KLHL29: variants seen among roughly 807,000 people sequenced by gnomAD.
KLHL29 encodes kelch-like protein 29.
KLHL29 carries 21 observed loss-of-function variants against 80.4 expected under a neutral mutation model. The observed-to-expected ratio is 0.26, with a 90% CI of 0.19 to 0.38. The LOEUF is 0.38. Ranked by LOEUF, KLHL29 falls within the 10% of genes least tolerant of loss-of-function variation. KLHL29 has a pLI of 1.00. For missense variants in KLHL29, 867 were observed against 1,223.9 expected (o/e 0.71, Z 4.35); for synonymous variants, 511 against 526.8 (o/e 0.97, Z 0.41).
At chr2:23,519,235 C>T (rs1666026277) in intron 2 of KLHL29, among the ~76,000 whole-genome samples, 1 of 152,216 alleles carries the variant, frequency 6.6e-6, no homozygotes, top group Admixed American at 6.5e-5. Flanking sequence ...CCGTCCACTA[C>T]CCCGTCATCC....
At chr2:23,413,141 G>A (rs141677329) in intron 1 of KLHL29, among the ~76,000 whole-genome samples, 4 of 152,260 alleles carry the variant, frequency 2.6e-5, no homozygotes, top group Admixed American at 2.0e-4. Context: ...CACTGGGCCC[G>A]GTGAACTCGC....
At chr2:23,549,229 T>C (rs925376503) in intron 2 of KLHL29, among the ~76,000 whole-genome samples, 1 of 152,208 alleles carries the variant, frequency 6.6e-6, no homozygotes, top group African/African-American at 2.4e-5. Flanking sequence ...AGTCCCAGGC[T>C]GCCCAGCGGG....
chr2:23,614,876 C>T (rs11125140), intron 3 of KLHL29, among the ~76,000 whole-genome samples: 53,319 of 152,026 alleles, frequency 0.35, 10,238 homozygotes, highest in East Asian at 0.63. Context: ...AAGATGTGGG[C>T]TGTAAGCCCC....
At chr2:23,539,160 A>C (rs1019986386) in intron 2 of KLHL29, among the ~76,000 whole-genome samples, 1 of 151,908 alleles carries the variant, frequency 6.6e-6, no homozygotes, top group African/African-American at 2.4e-5. Flanking sequence ...TGATGAGTGT[A>C]GGGACCCTGG....
intron 1 of KLHL29, among the ~76,000 whole-genome samples, chr2:23,441,996 C>T (rs1262441103): frequency 1.3e-5 from 2 of 152,274 alleles, no homozygotes; most frequent in African/African-American, 2.4e-5. Context: ...TGTTATCTTA[C>T]ATGGCAATAG....
chr2:23,464,976 G>A (rs1054090739), intron 1 of KLHL29, among the ~76,000 whole-genome samples: 12 of 152,120 alleles, frequency 7.9e-5, no homozygotes, highest in East Asian at 1.9e-4. Flanking sequence ...TAATAGATTC[G>A]TCAACAGCAG....
At chr2:23,552,005 G>C (rs983781201) in intron 2 of KLHL29, among the ~76,000 whole-genome samples, 2 of 152,242 alleles carry the variant, frequency 1.3e-5, no homozygotes, top group African/African-American at 4.8e-5. Flanking sequence ...ACACCAGCAG[G>C]ATGTTGTGAG....
chr2:23,553,278 G>A (rs1301839378), intron 2 of KLHL29, among the ~76,000 whole-genome samples: 2 of 152,240 alleles, frequency 1.3e-5, no homozygotes, highest in African/African-American at 4.8e-5. Flanking sequence ...GTGAGGACTG[G>A]GGGCCAGGAT....
Position 23,568,242 on chromosome 2 carries a change from A to C in KLHL29, c.285+5761A>C, listed in dbSNP as rs896391241. On this transcript the variant is annotated intron_variant, in intron 3 of 13. Coordinates refer to ENST00000486442, the MANE Select transcript of KLHL29 (RefSeq NM_052920.2). ...GATTCCAAAATAAAGATATCAGAAGACTTCATTGACTGGAGCCAGTTGTGT... is the reference window on the plus strand; with the variant it reads ...GATTCCAAAATAAAGATATCAGAAGCCTTCATTGACTGGAGCCAGTTGTGT... Among the ~76,000 whole-genome samples the C allele has an allele frequency of 2.0e-5, 3 of 152,150 alleles. No homozygotes were observed. The East Asian group carries it at 5.8e-4, about 29-fold the overall frequency.
intron 1 of KLHL29, among the ~76,000 whole-genome samples, chr2:23,440,124 G>A (rs1663469291): frequency 1.3e-5 from 2 of 152,000 alleles, no homozygotes; most frequent in African/African-American, 2.4e-5. Flanking sequence ...TCAGAGACTA[G>A]GATTGCAACC....
intron 11 of KLHL29, among the ~76,000 whole-genome samples, chr2:23,701,793 CTTTTTTTT>C (rs70941586): frequency 1.1e-3 from 25 of 22,538 alleles, no homozygotes; most frequent in African/African-American, 2.7e-3. Context: ...CTTTTTTTTG[CTTTTTTTT>C]TTTTTTTTTT....
At chr2:23,559,914 C>T (rs1393138068) in intron 2 of KLHL29, among the ~76,000 whole-genome samples, 6 of 152,222 alleles carry the variant, frequency 3.9e-5, no homozygotes, top group South Asian at 2.1e-4. Flanking sequence ...TGAGAAGGAG[C>T]AGCCGAGAGG....
At chr2:23,453,156 T>C (rs901804890) in intron 1 of KLHL29, among the ~76,000 whole-genome samples, 4 of 152,036 alleles carry the variant, frequency 2.6e-5, no homozygotes, top group African/African-American at 9.7e-5. Context: ...TTCTTGTCTA[T>C]GCCTACGATG....
chr2:23,390,590 A>G (rs1265265715), intron 1 of KLHL29, among the ~76,000 whole-genome samples: 1 of 151,536 alleles, frequency 6.6e-6, no homozygotes, highest in Non-Finnish European at 1.5e-5. Context: ...ATACACAAAT[A>G]TATGTTCTGT....
chr2:23,528,095 A>G (rs1666380683), intron 2 of KLHL29, among the ~76,000 whole-genome samples: 2 of 152,256 alleles, frequency 1.3e-5, no homozygotes, highest in Non-Finnish European at 2.9e-5. Flanking sequence ...TAAAGAAGAA[A>G]TTAATTTTAG....
intron 2 of KLHL29, among the ~76,000 whole-genome samples, chr2:23,522,246 G>A (rs1666128013): frequency 6.6e-6 from 1 of 151,990 alleles, no homozygotes. Context: ...CACCTCCCAG[G>A]TTCAAGCAAT....
chr2:23,616,379 T>C (rs529220877), intron 3 of KLHL29: 1 of 152,120 alleles, frequency 6.6e-6, no homozygotes, highest in East Asian at 1.9e-4. Flanking sequence ...CAGGGAAAGA[T>C]GAAAGGAGAA....
Position 23,656,675 on chromosome 2 carries a change from C to T in KLHL29, c.940+13825C>T, listed in dbSNP as rs573312810. 5.9e-5 allele frequency among the ~76,000 whole-genome samples: 9 copies of T among 152,262 alleles called. No homozygotes were observed. The East Asian group carries it at 1.5e-3, about 26-fold the overall frequency. ...GTGATGCCCGCTTAAGACTCATCTG[C>T]CTTAAGCCCCTGGGCACCAATATAG... On this transcript the variant is annotated intron_variant, in intron 5 of 13. Transcript: ENST00000486442.
chr2:23,420,092 G>A (rs557480504), intron 1 of KLHL29, among the ~76,000 whole-genome samples: 1 of 152,274 alleles, frequency 6.6e-6, no homozygotes, highest in African/African-American at 2.4e-5. Flanking sequence ...GGGGTCCTAC[G>A]TCAGCATGTG....
Sources: gnomAD v4.1 joint callset for allele counts (sites outside exome capture counted in the v4.1 genomes callset) on GRCh38, gnomAD v4.1.1 for gene constraint, MANE v1.5 for transcripts, NCBI Gene and HGNC (gene_info 2026-07-23, HGNC 2026-07-21) for gene names.